ANKRD36: variants seen among roughly 807,000 people sequenced by gnomAD.
The protein encoded by ANKRD36 is ankyrin repeat domain 36, also known as ankyrin repeat domain-containing protein 36A.
A neutral mutation model predicts 278.1 loss-of-function variants in ANKRD36; 179 were observed. That is an observed-to-expected ratio of 0.64 (90% confidence interval 0.57 to 0.73). ANKRD36 has a LOEUF of 0.73. Ranked by LOEUF, ANKRD36 falls within the 30% of genes least tolerant of loss-of-function variation. The pLI is 0.00. For missense variants in ANKRD36, 1,159 were observed against 1,956.7 expected (o/e 0.59, Z 7.69); for synonymous variants, 320 against 641.1 (o/e 0.50, Z 7.57).
intron 52 of ANKRD36, among the ~76,000 whole-genome samples, chr2:97,207,251 A>G (rs956567960): frequency 6.6e-6 from 1 of 151,488 alleles, no homozygotes; most frequent in Non-Finnish European, 1.5e-5. Context: ...AATGAATATT[A>G]TCTACTAGGT....
intron 69 of ANKRD36, among the ~76,000 whole-genome samples, chr2:97,242,328 A>G (rs1315066288): frequency 6.6e-6 from 1 of 151,968 alleles, no homozygotes; most frequent in Non-Finnish European, 1.5e-5. Flanking sequence ...TATTCTTAAT[A>G]TGCAGGGAAT....
rs542850654 is a variant in ANKRD36 at position 97,208,878 on chromosome 2, A to C, written c.3266-803A>C. ...TTGAATTCTAATTAACTCCTAAAATAGTCATTTTCAATGAATATTGCAGTG... is the reference window on the plus strand; with the variant it reads ...TTGAATTCTAATTAACTCCTAAAATCGTCATTTTCAATGAATATTGCAGTG... On this transcript the variant is annotated intron_variant, in intron 54 of 75. Coordinates refer to ENST00000420699, the MANE Select transcript of ANKRD36 (RefSeq NM_001354587.1). 4.8e-5 allele frequency among the ~76,000 whole-genome samples: 7 copies of C among 146,880 alleles called. 2 individuals are homozygous for C. Among genetic ancestry groups the C allele is most frequent in the African/African-American group, 1.8e-4 (7 of 37,868 alleles).
chr2:97,210,988 C>G (rs1359473856), intron 56 of ANKRD36, among the ~76,000 whole-genome samples: 2 of 151,990 alleles, frequency 1.3e-5, no homozygotes, highest in Non-Finnish European at 2.9e-5. Flanking sequence ...TGAATATTAT[C>G]TACTAGGTAT....
chr2:97,130,637 G>A (rs936623725), intron 6 of ANKRD36, among the ~76,000 whole-genome samples: 2 of 89,384 alleles, frequency 2.2e-5, no homozygotes, highest in African/African-American at 5.4e-5. Context: ...AGAAGCTGAT[G>A]TCTTTTATAA....
intron 67 of ANKRD36, among the ~76,000 whole-genome samples, chr2:97,232,761 C>G (rs2072591987): frequency 6.7e-6 from 1 of 150,022 alleles, no homozygotes; most frequent in Non-Finnish European, 1.5e-5. Flanking sequence ...GACAACAAAC[C>G]AGATACTGAA....
intron 22 of ANKRD36, among the ~76,000 whole-genome samples, chr2:97,177,933 C>A (rs2054827170): frequency 2.0e-5 from 3 of 149,640 alleles, no homozygotes; most frequent in South Asian, 2.2e-4. Flanking sequence ...ACTCATCTGA[C>A]AAAGGGCTAA....
chr2:97,176,723 A>T (rs1008252407), intron 22 of ANKRD36, among the ~76,000 whole-genome samples: 10 of 151,402 alleles, frequency 6.6e-5, no homozygotes, highest in African/African-American at 2.4e-4. Flanking sequence ...CCTAGTCTTG[A>T]TGGTTTTTAC....
At position 97,196,375 on chromosome 2, in the gene ANKRD36, G is replaced by A. The variant is rs555100272; in HGVS notation, c.2552-218G>A. On this transcript the variant is annotated intron_variant, in intron 40 of 75. Transcript: ENST00000420699. ...TAGTTTTCGACACATGAGAAATCAT[G>A]CCATGTTTGAAATTATAAGGGTATA... is the stretch of plus-strand genomic sequence containing the variant. 8.6e-5 allele frequency among the ~76,000 whole-genome samples: 13 copies of A among 152,044 alleles called. 2 individuals carry two copies. In the South Asian group the frequency reaches 2.7e-3, roughly 32 times the overall value.
chr2:97,216,007 G>T (rs1576168132), intron 62 of ANKRD36, among the ~76,000 whole-genome samples: 1 of 151,852 alleles, frequency 6.6e-6, no homozygotes, highest in African/African-American at 2.4e-5. Context: ...ATGTAATTTT[G>T]GGGTTTCTGT....
intron 66 of ANKRD36, among the ~76,000 whole-genome samples, chr2:97,224,147 C>T (rs1300929788): frequency 6.6e-6 from 1 of 151,440 alleles, no homozygotes. Flanking sequence ...TCTAAAGGTA[C>T]TATTGTGAAG....
chr2:97,260,347 G>GATATATAT (rs71218080), intron 75 of ANKRD36, among the ~76,000 whole-genome samples: 3,620 of 116,936 alleles, frequency 0.031, 27 homozygotes, highest in Non-Finnish European at 0.039. Context: ...TATTTTAAAA[G>GATATATAT]ATATATATAT....
At chr2:97,145,645 A>G (rs1011662530) in intron 10 of ANKRD36, among the ~76,000 whole-genome samples, 6 of 152,084 alleles carry the variant, frequency 3.9e-5, no homozygotes, top group Non-Finnish European at 7.4e-5. Flanking sequence ...ATTCAGATCT[A>G]ATGCTTGTAG....
In ANKRD36 at chr2:97,200,284, A is replaced by G. The variant is rs1163975176; in HGVS notation, c.2756-50A>G. ...CTAACACTGTGTGAATCTATGGATA[A>G]TTTTATCATGTTTACATGTGAGTGA... On this transcript the variant is annotated intron_variant, in intron 44 of 75. Transcript: ENST00000420699. 5.4e-5 allele frequency: 86 copies of G among 1,606,340 alleles called. 1 individual carries two copies. Among genetic ancestry groups the G allele is most frequent in the Non-Finnish European group, 7.0e-5 (83 of 1,178,354 alleles).
chr2:97,220,051 CTGTGTG>C (rs71274689), intron 66 of ANKRD36, among the ~76,000 whole-genome samples: 2,192 of 110,988 alleles, frequency 0.02, 122 homozygotes, highest in African/African-American at 0.093. Context: ...GATTAGCACA[CTGTGTG>C]TGTGTGTGTG....
At chr2:97,243,171 G>A (rs200873119) in intron 69 of ANKRD36, among the ~76,000 whole-genome samples, 1,633 of 140,506 alleles carry the variant, frequency 0.012, 30 homozygotes, top group African/African-American at 0.03. Flanking sequence ...ACATGTGCCC[G>A]AGGTGGTCGG....
At position 97,201,211 on chromosome 2, in the gene ANKRD36, C is replaced by G. The variant is rs1268577748; in HGVS notation, c.2857+686C>G. 5.9e-5 allele frequency among the ~76,000 whole-genome samples: 9 copies of G among 151,988 alleles called. 1 individual carries two copies. The highest frequency in any genetic ancestry group is 2.0e-4 in the East Asian group (1 of 5,124). ...TTACTACTAGGCATCAGAGATACAT[C>G]TTTTGTTGATTTTAGTTATAGAAAT... On this transcript the variant is annotated intron_variant, in intron 46 of 75. Coordinates refer to ENST00000420699, the MANE Select transcript of ANKRD36 (RefSeq NM_001354587.1).
intron 1 of ANKRD36, among the ~76,000 whole-genome samples, chr2:97,116,998 G>C (rs1331274115): frequency 6.6e-6 from 1 of 150,600 alleles, no homozygotes; most frequent in Non-Finnish European, 1.5e-5. Flanking sequence ...AGCAAGCTGA[G>C]ATTTAAAATG....
intron 6 of ANKRD36, among the ~76,000 whole-genome samples, chr2:97,136,369 C>T (rs1042534574): frequency 3.4e-4 from 52 of 151,642 alleles, no homozygotes; most frequent in Non-Finnish European, 4.4e-5. Context: ...CTTTAATATT[C>T]TTTATAAGAA....
Position 97,179,780 on chromosome 2 carries a change from C to T in ANKRD36, c.1662+14C>T, listed in dbSNP as rs771822017. 136 of 1,594,700 alleles carry T rather than the reference C, an allele frequency of 8.5e-5. No individual in the cohort carries two copies. Among genetic ancestry groups the T allele is most frequent in the African/African-American group, 1.1e-4 (8 of 74,540 alleles). On this transcript the variant is annotated intron_variant, in intron 23 of 75. Transcript: ENST00000420699. ...CCAGCTGAGAAGGTAATTAAAGTCT[C>T]ATTTATATGTTGAACTATTAACTGT...
Sources: gnomAD v4.1 joint callset for allele counts (sites outside exome capture counted in the v4.1 genomes callset) on GRCh38, gnomAD v4.1.1 for gene constraint, MANE v1.5 for transcripts, NCBI Gene and HGNC (gene_info 2026-07-23, HGNC 2026-07-21) for gene names.